The following RBFOX1 variants were observed in gnomAD, a reference collection of about 807,000 sequenced individuals.
RBFOX1 encodes RNA binding fox-1 homolog 1.
In RBFOX1, 8 loss-of-function variants were observed where a neutral mutation model predicts 57.7. That is an observed-to-expected ratio of 0.14 (90% CI 0.08 to 0.25). The LOEUF is 0.25. Ranked by LOEUF, RBFOX1 falls within the 10% of genes least tolerant of loss-of-function variation. The probability of loss-of-function intolerance (pLI) is 1.00; values close to 1 mark genes in which losing one functional copy is unlikely to be tolerated. For synonymous variants in RBFOX1, 326 were observed against 222.4 expected, an observed-to-expected ratio of 1.47 and a Z score of -4.15; for missense variants, 611 against 548.5, an observed-to-expected ratio of 1.11 and a Z score of -1.14.
intron 4 of RBFOX1, among the ~76,000 whole-genome samples, chr16:5,950,303 A>G (rs923162113): frequency 2.6e-5 from 4 of 152,240 alleles, no homozygotes; most frequent in African/African-American, 9.6e-5. Flanking sequence ...CCAGGAAGCC[A>G]GCCCTGCCAT....
In RBFOX1 at chr16:5,726,099, C is replaced by G. The variant is rs140449238; in HGVS notation, c.318+127138C>G. On this transcript the variant is annotated intron_variant, in intron 3 of 19. Transcript: ENST00000641259. Reference sequence around the variant, plus strand: ...TTTATTATTATTTTTTTTAATAAAGCTTTTTCTTTGGGTAGAATGGGTTTC... The same window carrying G: ...TTTATTATTATTTTTTTTAATAAAGGTTTTTCTTTGGGTAGAATGGGTTTC... Among the ~76,000 whole-genome samples, 277 of 151,632 alleles carry G rather than the reference C, an allele frequency of 1.8e-3. 1 individual carries two copies. The highest frequency in any genetic ancestry group is 6.2e-3 in the African/African-American group (257 of 41,318).
intron 4 of RBFOX1, among the ~76,000 whole-genome samples, chr16:7,514,325 C>G (rs2075866506): frequency 6.6e-6 from 1 of 152,198 alleles, no homozygotes; most frequent in African/African-American, 2.4e-5. Flanking sequence ...CCTACCCTAT[C>G]TCCTGCTGCC....
intron 4 of RBFOX1, among the ~76,000 whole-genome samples, chr16:5,939,134 C>G (rs1360918005): frequency 6.6e-6 from 1 of 152,074 alleles, no homozygotes; most frequent in African/African-American, 2.4e-5. Flanking sequence ...GGAGATATAC[C>G]TCATGTAAAT....
intron 3 of RBFOX1, among the ~76,000 whole-genome samples, chr16:7,047,972 G>A (rs1452228006): frequency 2.1e-5 from 3 of 142,264 alleles, no homozygotes; most frequent in Non-Finnish European, 3.1e-5. Flanking sequence ...TCCCCCTGCC[G>A]GGTTCAAGCG....
At chr16:7,396,995 A>G (rs1387318772) in intron 4 of RBFOX1, among the ~76,000 whole-genome samples, 2 of 152,204 alleles carry the variant, frequency 1.3e-5, no homozygotes, top group Non-Finnish European at 2.9e-5. Flanking sequence ...GGACAAATGA[A>G]GTATTGGAAA....
chr16:6,876,907 C>T (rs910098889), intron 3 of RBFOX1, among the ~76,000 whole-genome samples: 2 of 152,148 alleles, frequency 1.3e-5, no homozygotes. Flanking sequence ...CCACCAAGTA[C>T]TGGGTACACT....
At chr16:6,947,294 C>T (rs1267187698) in intron 3 of RBFOX1, among the ~76,000 whole-genome samples, 3 of 152,124 alleles carry the variant, frequency 2.0e-5, no homozygotes. Context: ...AGTAAGGTCA[C>T]CCTTCCCACA....
intron 1 of RBFOX1, among the ~76,000 whole-genome samples, chr16:6,056,056 G>A (rs1292539316): frequency 6.6e-6 from 1 of 152,174 alleles, no homozygotes; most frequent in East Asian, 1.9e-4. Flanking sequence ...GTGGGATAGA[G>A]GGGCAAAGTG....
chr16:6,818,443 A>AG (rs1366043961), intron 3 of RBFOX1, among the ~76,000 whole-genome samples: 1 of 152,188 alleles, frequency 6.6e-6, no homozygotes, highest in East Asian at 1.9e-4. Context: ...AGAAAAAAAA[A>AG]ATATTATTGA....
chr16:5,578,211 G>C (rs1596328323), intron 2 of RBFOX1, among the ~76,000 whole-genome samples: 1 of 152,120 alleles, frequency 6.6e-6, no homozygotes, highest in Non-Finnish European at 1.5e-5. Flanking sequence ...CGGCCTCCCA[G>C]AGTGCTGGGA....
intron 3 of RBFOX1, among the ~76,000 whole-genome samples, chr16:5,781,321 C>T (rs570390778): frequency 5.3e-5 from 8 of 152,294 alleles, no homozygotes; most frequent in Middle Eastern, 6.8e-3. Flanking sequence ...CTCCTCTTGA[C>T]TCTATTGACT....
chr16:6,881,403 T>A (rs2062904313), intron 3 of RBFOX1, among the ~76,000 whole-genome samples: 1 of 152,164 alleles, frequency 6.6e-6, no homozygotes, highest in Admixed American at 6.5e-5. Context: ...AAGTCCAGAA[T>A]GAAGGTGTTG....
At chr16:6,893,053 T>C (rs1010884986) in intron 3 of RBFOX1, among the ~76,000 whole-genome samples, 1 of 152,192 alleles carries the variant, frequency 6.6e-6, no homozygotes, top group Non-Finnish European at 1.5e-5. Flanking sequence ...ATACATGATC[T>C]TTCTCTTCAG....
intron 3 of RBFOX1, among the ~76,000 whole-genome samples, chr16:6,883,648 T>A (rs565422383): frequency 3.1e-4 from 47 of 152,320 alleles, no homozygotes; most frequent in African/African-American, 1.1e-3. Flanking sequence ...TAGATTTCTA[T>A]CTTTGTAGTA....
rs376275480 is a variant in RBFOX1, at chr16:5,713,464, A to T, written c.318+114503A>T. On this transcript the variant is annotated intron_variant, in intron 3 of 19. Transcript: ENST00000641259. ...TTGAAGTAAAATATTTCCCTGTCTG[A>T]GCTAATCTGGGCTTTGATCCCCAAA... Among the ~76,000 whole-genome samples the T allele has an allele frequency of 2.0e-5, 3 of 152,254 alleles. No homozygotes were observed. The South Asian group carries it at 6.2e-4, about 32-fold the overall frequency.
At chr16:6,745,486 A>G (rs1372853128) in intron 3 of RBFOX1, among the ~76,000 whole-genome samples, 3 of 152,218 alleles carry the variant, frequency 2.0e-5, no homozygotes, top group African/African-American at 7.2e-5. Context: ...GATTGAAAAG[A>G]TGCCTTAACA....
intron 3 of RBFOX1, among the ~76,000 whole-genome samples, chr16:5,786,250 T>C (rs1567540041): frequency 6.6e-6 from 1 of 152,176 alleles, no homozygotes; most frequent in Non-Finnish European, 1.5e-5. Flanking sequence ...CTTCCTCTCT[T>C]GCTCCTGCTC....
intron 3 of RBFOX1, among the ~76,000 whole-genome samples, chr16:5,706,846 C>T (rs916131480): frequency 1.3e-5 from 2 of 150,340 alleles, no homozygotes; most frequent in African/African-American, 4.9e-5. Flanking sequence ...GAGGGCATGG[C>T]TTTTTTTTTG....
intron 2 of RBFOX1, among the ~76,000 whole-genome samples, chr16:5,548,022 G>C (rs370790997): frequency 2.0e-5 from 3 of 151,448 alleles, no homozygotes; most frequent in Non-Finnish European, 4.4e-5. Context: ...TTAACCGGGC[G>C]TGGTGGCTTG....
Sources: gnomAD v4.1 joint callset for allele counts (sites outside exome capture counted in the v4.1 genomes callset) on GRCh38, gnomAD v4.1.1 for gene constraint, MANE v1.5 for transcripts, NCBI Gene and HGNC (gene_info 2026-07-23, HGNC 2026-07-21) for gene names.